Variants in TEKT5 observed in about 807,000 individuals in gnomAD.
TEKT5 encodes the protein tektin-5.
TEKT5 carries 52 observed loss-of-function variants against 48.7 expected under a neutral mutation model. That is an observed-to-expected ratio of 1.07 (90% confidence interval 0.86 to 1.35). The LOEUF (loss-of-function observed/expected upper bound fraction) is 1.35. Among genes scored for constraint, TEKT5 ranks in the 40% most tolerant of loss-of-function variants. TEKT5 has a pLI of 0.00. For missense variants in TEKT5, 831 were observed against 641.6 expected (o/e 1.30, Z -3.19); for synonymous variants, 318 against 267.6 (o/e 1.19, Z -1.84).
chr16:10,630,621 A>G (rs1009311903), intron 6 of TEKT5, among the ~76,000 whole-genome samples: 2 of 152,348 alleles, frequency 1.3e-5, no homozygotes, highest in East Asian at 1.9e-4. Context: ...GGAAAGATCT[A>G]TATCTGCACC....
At chr16:10,692,847 G>C (rs1344352370) in intron 1 of TEKT5, 1 of 152,250 alleles carries the variant, frequency 6.6e-6, no homozygotes, top group African/African-American at 2.4e-5. Flanking sequence ...CACATGCTGT[G>C]GGTGGCAGAA....
At chr16:10,631,336 G>A (rs1193981668) in intron 6 of TEKT5, among the ~76,000 whole-genome samples, 1 of 146,140 alleles carries the variant, frequency 6.8e-6, no homozygotes, top group Non-Finnish European at 1.5e-5. Context: ...TCTCAGTGCT[G>A]TGGGAAGCCA....
chr16:10,686,682 G>C (rs1302210203), intron 3 of TEKT5, among the ~76,000 whole-genome samples: 1 of 152,190 alleles, frequency 6.6e-6, no homozygotes, highest in Admixed American at 6.5e-5. Flanking sequence ...AGAAATGGGA[G>C]AAGATATTTG....
At chr16:10,670,857 TTTTATTTA>T (rs199906550) in intron 5 of TEKT5, among the ~76,000 whole-genome samples, 1 of 151,778 alleles carries the variant, frequency 6.6e-6, no homozygotes, top group Non-Finnish European at 1.5e-5. Flanking sequence ...GAATTTTTAT[TTTTATTTA>T]TTTATTTATT....
chr16:10,637,434 GGGAGGGGAGGAGGAAGGA>G (rs1897931690), intron 5 of TEKT5, among the ~76,000 whole-genome samples: 1 of 151,964 alleles, frequency 6.6e-6, no homozygotes, highest in Admixed American at 6.6e-5. Context: ...CAAGAAGGGA[GGGAGGGGAGGAGGAAGGA>G]GGAGGGGAGA....
At chr16:10,645,071 C>T (rs944412119) in intron 5 of TEKT5, among the ~76,000 whole-genome samples, 1 of 152,152 alleles carries the variant, frequency 6.6e-6, no homozygotes, top group Non-Finnish European at 1.5e-5. Flanking sequence ...GGCACCCTGA[C>T]CTTGGACTTT....
intron 3 of TEKT5, among the ~76,000 whole-genome samples, chr16:10,683,873 A>G (rs2248005): frequency 0.96 from 146,819 of 152,348 alleles, 70,790 homozygotes; most frequent in East Asian, 1. Context: ...GATTATAGGC[A>G]TAAGCCACCG....
chr16:10,637,055 C>T (rs1383695481), intron 5 of TEKT5, among the ~76,000 whole-genome samples: 1 of 150,040 alleles, frequency 6.7e-6, no homozygotes, highest in Admixed American at 6.7e-5. Context: ...GATTTCGGCT[C>T]ACTGCAAACT....
At chr16:10,639,702 C>T (rs1182911820) in intron 5 of TEKT5, among the ~76,000 whole-genome samples, 1 of 152,236 alleles carries the variant, frequency 6.6e-6, no homozygotes, top group Non-Finnish European at 1.5e-5. Flanking sequence ...CTCATCCCAT[C>T]CTCCCAATTG....
At chr16:10,652,111 T>C (rs1054251023) in intron 5 of TEKT5, among the ~76,000 whole-genome samples, 22 of 152,146 alleles carry the variant, frequency 1.4e-4, no homozygotes, top group Non-Finnish European at 2.5e-4. Context: ...TCCTAGTCCA[T>C]GGGCTGGAGG....
At chr16:10,633,728 T>C (rs1897872212) in intron 6 of TEKT5, among the ~76,000 whole-genome samples, 3 of 152,122 alleles carry the variant, frequency 2.0e-5, no homozygotes, top group Admixed American at 2.0e-4. Flanking sequence ...TTTTATTTTT[T>C]AGAGATAGTG....
chr16:10,632,970 A>C (rs2142256285), intron 6 of TEKT5, among the ~76,000 whole-genome samples: 1 of 150,604 alleles, frequency 6.6e-6, no homozygotes, highest in East Asian at 2.0e-4. Context: ...TGTCCTCCTC[A>C]GTGGTATGAC....
chr16:10,672,573 G>A (rs1898566429), intron 5 of TEKT5, among the ~76,000 whole-genome samples: 2 of 152,144 alleles, frequency 1.3e-5, no homozygotes. Flanking sequence ...TCCAGACTGG[G>A]TTACAGAGCG....
At chr16:10,687,573 C>T (rs950432127) in intron 3 of TEKT5, among the ~76,000 whole-genome samples, 2 of 152,158 alleles carry the variant, frequency 1.3e-5, no homozygotes, top group African/African-American at 4.8e-5. Context: ...GCCAACATGG[C>T]AAAACACTGT....
chr16:10,660,752 G>A (rs1162683850), intron 5 of TEKT5, among the ~76,000 whole-genome samples: 1 of 151,892 alleles, frequency 6.6e-6, no homozygotes, highest in East Asian at 1.9e-4. Flanking sequence ...CCAGGCTGGA[G>A]TGCAGTGGCA....
intron 5 of TEKT5, among the ~76,000 whole-genome samples, chr16:10,645,123 A>T (rs1278413061): frequency 1.3e-5 from 2 of 152,136 alleles, no homozygotes; most frequent in African/African-American, 4.8e-5. Flanking sequence ...ATGTTTACAA[A>T]CCACCTAGCC....
intron 4 of TEKT5, among the ~76,000 whole-genome samples, chr16:10,677,021 T>C (rs117536175): frequency 0.057 from 8,698 of 152,010 alleles, 262 homozygotes; most frequent in Middle Eastern, 0.092. Context: ...CACATCTCTA[T>C]AAAAAATGTC....
rs113375739 is a variant in TEKT5 at position 10,656,663 on chromosome 16, G to T, written c.1086+19296C>A. ...AGATATAATAAACTGATGTCAAGAG[G>T]AAAAGATAACCAAAGACACAAACAT... is the stretch of plus-strand genomic sequence containing the variant. On this transcript the variant is annotated intron_variant, in intron 5 of 6. Transcript: ENST00000283025. Among the ~76,000 whole-genome samples, 107 of 152,312 alleles carry T rather than the reference G, an allele frequency of 7.0e-4. 3 individuals carry two copies. Among genetic ancestry groups the T allele is most frequent in the African/African-American group, 2.5e-3 (105 of 41,570 alleles).
chr16:10,646,112 C>A (rs966544042), intron 5 of TEKT5, among the ~76,000 whole-genome samples: 2 of 151,486 alleles, frequency 1.3e-5, no homozygotes, highest in African/African-American at 2.4e-5. Context: ...TCTAGCCTGG[C>A]CAACAGAGTA....
Sources: allele counts gnomAD v4.1 joint callset (sites outside exome capture counted in the v4.1 genomes callset), GRCh38; gene constraint gnomAD v4.1.1; transcripts MANE v1.5; gene names NCBI Gene and HGNC (gene_info 2026-07-23, HGNC 2026-07-21).